Variants in ZSWIM6 observed in about 807,000 individuals in gnomAD.
ZSWIM6 encodes zinc finger SWIM domain-containing protein 6.
A neutral mutation model predicts 113.2 loss-of-function variants in ZSWIM6; 9 were observed. That is an observed-to-expected ratio of 0.08 (90% CI 0.05 to 0.14). ZSWIM6 has a LOEUF of 0.14. Ranked by LOEUF, ZSWIM6 falls within the 10% of genes least tolerant of loss-of-function variation. ZSWIM6 has a pLI of 1.00. For synonymous variants in ZSWIM6, 611 were observed against 606.5 expected (o/e 1.01, Z -0.11); for missense variants, 1,162 against 1,552.2 (o/e 0.75, Z 4.22).
intron 1 of ZSWIM6, among the ~76,000 whole-genome samples, chr5:61,370,846 A>G (rs1381059371): frequency 6.6e-6 from 1 of 152,258 alleles, no homozygotes; most frequent in Non-Finnish European, 1.5e-5. Context: ...ATAAAAAACT[A>G]AAGAACCCCT....
chr5:61,442,426 G>T (rs904045452), intron 1 of ZSWIM6, among the ~76,000 whole-genome samples: 2 of 152,144 alleles, frequency 1.3e-5, no homozygotes, highest in African/African-American at 4.8e-5. Context: ...GTTTTGGGCA[G>T]CTCCATACCA....
intron 5 of ZSWIM6, among the ~76,000 whole-genome samples, chr5:61,525,036 T>C (rs541637322): frequency 6.6e-6 from 1 of 152,288 alleles, no homozygotes; most frequent in African/African-American, 2.4e-5. Flanking sequence ...TTGAACCCTC[T>C]TCGGAGTGTA....
At chr5:61,391,822 A>T in intron 1 of ZSWIM6, 2 of 800,060 alleles carry the variant, frequency 2.5e-6, no homozygotes, top group Non-Finnish European at 4.2e-6. Flanking sequence ...CTGCTGAGGC[A>T]GGAAGCCGAG....
intron 7 of ZSWIM6, among the ~76,000 whole-genome samples, chr5:61,527,658 A>C (rs1749323332): frequency 6.6e-6 from 1 of 152,218 alleles, no homozygotes; most frequent in East Asian, 1.9e-4. Context: ...ACACATACAC[A>C]GTCTATGGTG....
At chr5:61,430,180 A>T (rs962387992) in intron 1 of ZSWIM6, among the ~76,000 whole-genome samples, 1 of 152,198 alleles carries the variant, frequency 6.6e-6, no homozygotes, top group Non-Finnish European at 1.5e-5. Flanking sequence ...GGGGTTAAGC[A>T]GGAAGAAGAA....
At chr5:61,365,397 G>C (rs1221662778) in intron 1 of ZSWIM6, among the ~76,000 whole-genome samples, 1 of 152,010 alleles carries the variant, frequency 6.6e-6, no homozygotes, top group Non-Finnish European at 1.5e-5. Context: ...CAGCTTCTTG[G>C]ATAGGGAATG....
At chr5:61,342,790 A>G (rs993145740) in intron 1 of ZSWIM6, among the ~76,000 whole-genome samples, 2 of 152,200 alleles carry the variant, frequency 1.3e-5, no homozygotes, top group African/African-American at 4.8e-5. Context: ...TATAATATTG[A>G]TCATCTTAAC....
At chr5:61,383,507 C>A (rs1273381661) in intron 1 of ZSWIM6, among the ~76,000 whole-genome samples, 1 of 152,012 alleles carries the variant, frequency 6.6e-6, no homozygotes, top group Non-Finnish European at 1.5e-5. Context: ...ATTTCTTATT[C>A]TAATCTGGTA....
In ZSWIM6 at chr5:61,413,595, C is replaced by T. The variant is rs544225516; in HGVS notation, c.677-59086C>T. The stretch of plus-strand genomic sequence containing the variant: ...TAGTTCTAGATCCCTGAGAAATCGC[C>T]ACACTGACTTCCACAATGGTTGAAC... On this transcript the variant is annotated intron_variant, in intron 1 of 13. Transcript: ENST00000252744. Among the ~76,000 whole-genome samples the T allele has an allele frequency of 1.6e-4, 25 of 152,238 alleles. No homozygotes were observed. In the East Asian group the frequency reaches 4.4e-3, roughly 27 times the overall value.
At chr5:61,497,279 C>T (rs755110951) in intron 4 of ZSWIM6, among the ~76,000 whole-genome samples, 21 of 152,110 alleles carry the variant, frequency 1.4e-4, no homozygotes, top group Non-Finnish European at 2.2e-4. Context: ...TCCCCCTCCC[C>T]AAGATTTACA....
intron 1 of ZSWIM6, among the ~76,000 whole-genome samples, chr5:61,470,419 T>C (rs1747541631): frequency 1.3e-5 from 2 of 152,224 alleles, no homozygotes; most frequent in South Asian, 4.1e-4. Flanking sequence ...TTTTTTGTCT[T>C]GATCTGTGCT....
chr5:61,358,703 A>G (rs992697493), intron 1 of ZSWIM6, among the ~76,000 whole-genome samples: 5 of 152,226 alleles, frequency 3.3e-5, no homozygotes, highest in African/African-American at 1.2e-4. Flanking sequence ...GCTGCTAGTA[A>G]AAATTTGGAA....
At chr5:61,384,977 G>A (rs1016675799) in intron 1 of ZSWIM6, among the ~76,000 whole-genome samples, 5 of 152,094 alleles carry the variant, frequency 3.3e-5, no homozygotes, top group African/African-American at 9.7e-5. Flanking sequence ...GGAGAATGGC[G>A]TGAACCCGGG....
At chr5:61,436,310 C>G (rs1746706439) in intron 1 of ZSWIM6, among the ~76,000 whole-genome samples, 1 of 151,960 alleles carries the variant, frequency 6.6e-6, no homozygotes, top group African/African-American at 2.4e-5. Flanking sequence ...TAGTAGTAAT[C>G]TTAGTGTTAA....
chr5:61,521,268 C>T lies in ZSWIM6; in HGVS notation c.1339C>T (p.Leu447=). Reference sequence around the variant, plus strand: ...CCTTTCCTCCTTTAAATTAGGTGCTCTGTGGATGTGTATAGTTTTAAACCC... The same window carrying T: ...CCTTTCCTCCTTTAAATTAGGTGCTTTGTGGATGTGTATAGTTTTAAACCC... ...YRQLWDELGA[L]WMCIVLNPHC... Residue 447 remains leucine, a synonymous_variant, in exon 5 of 14, where the codon CTG becomes TTG. Transcript: ENST00000252744. 1 of 1,384,700 alleles carries T rather than the reference C, an allele frequency of 7.2e-7. No individual in the cohort carries two copies. The highest frequency in any genetic ancestry group is 9.4e-7 in the Non-Finnish European group (1 of 1,059,088). The allele number at this position is 1,384,700 out of a possible 1,614,324, so 85.8% of individuals were successfully genotyped here.
chr5:61,517,090 T>G (rs1311760702), intron 4 of ZSWIM6, among the ~76,000 whole-genome samples: 2 of 152,168 alleles, frequency 1.3e-5, no homozygotes, highest in Non-Finnish European at 2.9e-5. Context: ...TCTTTGCTTT[T>G]CAGCAGTTTA....
intron 9 of ZSWIM6, among the ~76,000 whole-genome samples, chr5:61,533,754 G>A (rs1032223094): frequency 1.3e-5 from 2 of 152,200 alleles, no homozygotes; most frequent in African/African-American, 2.4e-5. Flanking sequence ...TAGTCCTTAA[G>A]TAAAATAGTT....
chr5:61,465,218 C>T (rs1383849704), intron 1 of ZSWIM6, among the ~76,000 whole-genome samples: 4 of 152,164 alleles, frequency 2.6e-5, no homozygotes, highest in African/African-American at 9.7e-5. Flanking sequence ...GAAAATAATT[C>T]AAATTCCACC....
intron 1 of ZSWIM6, among the ~76,000 whole-genome samples, chr5:61,430,667 A>G (rs962774391): frequency 2.6e-5 from 4 of 152,176 alleles, no homozygotes; most frequent in African/African-American, 7.2e-5. Context: ...TGGTATACTC[A>G]GGAGGTCCTA....
Sources: gnomAD v4.1 joint callset for allele counts (sites outside exome capture counted in the v4.1 genomes callset) on GRCh38, gnomAD v4.1.1 for gene constraint, MANE v1.5 for transcripts, NCBI Gene and HGNC (gene_info 2026-07-23, HGNC 2026-07-21) for gene names.